MAP4K1: variants seen among roughly 807,000 people sequenced by gnomAD.
MAP4K1 encodes mitogen-activated protein kinase kinase kinase kinase 1.
Under a neutral mutation model 122.8 loss-of-function variants are expected in MAP4K1, and 35 were observed. The ratio of observed to expected loss-of-function variants is 0.29; its 90% CI spans 0.22 to 0.38. The LOEUF is 0.38. MAP4K1 is among the 10% of genes least tolerant of loss of function. The probability of loss-of-function intolerance (pLI) is 1.00; values close to 1 mark genes in which losing one functional copy is unlikely to be tolerated. For missense variants in MAP4K1, 791 were observed against 1,072.6 expected, an observed-to-expected ratio of 0.74 and a Z score of 3.67; for synonymous variants, 412 against 421.3, an observed-to-expected ratio of 0.98 and a Z score of 0.27.
chr19:38,603,663 T>C (rs1489420136), intron 19 of MAP4K1, among the ~76,000 whole-genome samples: 1 of 151,996 alleles, frequency 6.6e-6, no homozygotes, highest in African/African-American at 2.4e-5. Context: ...AGTGAGACCC[T>C]GCCTCTATAA....
chr19:38,590,437 A>AT (rs1168613832), intron 30 of MAP4K1, among the ~76,000 whole-genome samples: 96 of 120,146 alleles, frequency 8.0e-4, no homozygotes, highest in Non-Finnish European at 1.1e-3. Flanking sequence ...ATATATATAT[A>AT]ATCACGGGCG....
intron 19 of MAP4K1, 57 bp downstream of exon 19, chr19:38,605,351 CA>C: frequency 7.6e-7 from 1 of 1,321,634 alleles, no homozygotes; most frequent in Non-Finnish European, 1.1e-6. Flanking sequence ...CTCCCCACCC[CA>C]CCAGGCATCC....
chr19:38,596,616 C>T (rs1205423190), intron 25 of MAP4K1, 130 bp from the exon 26 acceptor site: 3 of 819,166 alleles, frequency 3.7e-6, no homozygotes, highest in Non-Finnish European at 5.5e-6. Flanking sequence ...CTAGAAATGT[C>T]AGGGGATAAG....
At chr19:38,588,007 A>G (rs1440394639) in intron 30 of MAP4K1, among the ~76,000 whole-genome samples, 190 bp from the exon 31 acceptor site, 1 of 152,218 alleles carries the variant, frequency 6.6e-6, no homozygotes, top group Non-Finnish European at 1.5e-5. Flanking sequence ...AGTGAATTAC[A>G]TGAGTGCAAA....
At chr19:38,590,417 A>G (rs1434999469) in intron 30 of MAP4K1, among the ~76,000 whole-genome samples, 2 of 98,596 alleles carry the variant, frequency 2.0e-5, no homozygotes, top group African/African-American at 3.7e-5. Context: ...ATATATATAT[A>G]TATATATATA....
intron 16 of MAP4K1, 128 bp downstream of exon 16, chr19:38,607,736 G>C: frequency 9.7e-7 from 1 of 1,035,400 alleles, no homozygotes; most frequent in Non-Finnish European, 1.4e-6. Flanking sequence ...TCAGGGCTCA[G>C]GGCTCGGGGC....
chr19:38,607,242 G>A (rs1975355164), intron 16 of MAP4K1, among the ~76,000 whole-genome samples: 1 of 151,916 alleles, frequency 6.6e-6, no homozygotes, highest in Non-Finnish European at 1.5e-5. Context: ...CTGACGCTGA[G>A]GGTCAAGTCA....
chr19:38,607,960 C>A (rs1429941847), intron 15 of MAP4K1, 30 bp downstream of exon 15: 1 of 1,611,770 alleles, frequency 6.2e-7, no homozygotes, highest in Middle Eastern at 1.7e-4. Context: ...ACATTCCAGC[C>A]CCCTCCCCAT....
intron 25 of MAP4K1, 111 bp downstream of exon 25, chr19:38,596,923 C>G: frequency 9.9e-7 from 1 of 1,006,014 alleles, no homozygotes; most frequent in Non-Finnish European, 1.5e-6. Context: ...GAGATTGGGG[C>G]GGGGCCTCGA....
At position 38,610,003 on chromosome 19, in the gene MAP4K1, C is replaced by G; in HGVS notation, c.833G>C (p.Gly278Ala). The G allele has an allele frequency of 1.2e-6, 2 of 1,614,036 alleles. No homozygotes were observed. Among genetic ancestry groups the G allele is most frequent in the Non-Finnish European group, 8.5e-7 (1 of 1,179,938 alleles). The change falls in exon 12 of 31, where the codon GGG (glycine) becomes GCG (alanine). Residue 278 changes from glycine to alanine, a missense_variant. Coordinates refer to ENST00000396857, the MANE Select transcript of MAP4K1 (RefSeq NM_001042600.3). ...ATCCAGGATCAGGCCTCGATTCAGC[C>G]CAGGCTGGGATACCAGTTGATGCTG... ...MLSHQLVSQPGLNRGLILDLL... is the reference protein window; with the variant it reads ...MLSHQLVSQPALNRGLILDLL...
rs773859090 is a variant in MAP4K1, at chr19:38,597,002, C to CA, written c.1941+31dup. 1.9e-6 allele frequency: 3 copies of CA among 1,603,614 alleles called. No individual in the cohort carries two copies. Among genetic ancestry groups the CA allele is most frequent in the Non-Finnish European group, 2.6e-6 (3 of 1,170,426 alleles). On this transcript the variant is annotated intron_variant, in intron 25 of 30. Coordinates refer to ENST00000396857, the MANE Select transcript of MAP4K1 (RefSeq NM_001042600.3). The surrounding 1 kb of genome is among the most constrained non-coding windows in gnomAD (Gnocchi z 4.6). ...TGCAAGGCCTTAGCCACCCACTCCT[C>CA]AGAGTTCCCAGCACCCTCCCAAGCC...
chr19:38,602,582 A>G (rs1365533320), intron 19 of MAP4K1, among the ~76,000 whole-genome samples: 1 of 149,250 alleles, frequency 6.7e-6, no homozygotes, highest in African/African-American at 2.5e-5. Context: ...ACATATATAT[A>G]CACATGTACA....
At chr19:38,602,559 CAT>C (rs201520679) in intron 19 of MAP4K1, among the ~76,000 whole-genome samples, 9,682 of 146,640 alleles carry the variant, frequency 0.066, 377 homozygotes, top group South Asian at 0.14. Context: ...TATATACACA[CAT>C]ATACATATAT....
In MAP4K1 at chr19:38,615,818, C is replaced by G. The variant is rs182025936; in HGVS notation, c.313+377G>C. On this transcript the variant is annotated intron_variant, in intron 4 of 30. Coordinates refer to ENST00000396857, the MANE Select transcript of MAP4K1 (RefSeq NM_001042600.3). Reference sequence around the variant, plus strand: ...GATTACAGGCGTCTGCCACCACGCCCGGCTAATTTTTTGTATTTTTAGTAG... The same window carrying G: ...GATTACAGGCGTCTGCCACCACGCCGGGCTAATTTTTTGTATTTTTAGTAG... Among the ~76,000 whole-genome samples, 559 of 151,944 alleles carry G rather than the reference C, an allele frequency of 3.7e-3. 3 individuals carry two copies. The highest frequency in any genetic ancestry group is 0.012 in the African/African-American group (513 of 41,472).
intron 16 of MAP4K1, among the ~76,000 whole-genome samples, 180 bp downstream of exon 16, chr19:38,607,682 CAG>C (rs1975369924): frequency 6.6e-6 from 1 of 151,134 alleles, no homozygotes; most frequent in African/African-American, 2.4e-5. Flanking sequence ...GGTTAGGGAA[CAG>C]GGCCTAGGTA....
rs1198232258 is a variant in MAP4K1, at chr19:38,597,171, G to A, written c.1838-34C>T. On this transcript the variant is annotated intron_variant, in intron 24 of 30. Coordinates refer to ENST00000396857, the MANE Select transcript of MAP4K1 (RefSeq NM_001042600.3). The surrounding 1 kb of genome is among the most constrained non-coding windows in gnomAD (Gnocchi z 4.6). ...TGGGCAAGGATGAGTCAAGATCAATGCCCTCTATCCTCCTCGCCACCCACA... is the reference window on the plus strand; with the variant it reads ...TGGGCAAGGATGAGTCAAGATCAATACCCTCTATCCTCCTCGCCACCCACA... The A allele has an allele frequency of 6.2e-7, 1 of 1,607,932 alleles. No individual in the cohort carries two copies. Among genetic ancestry groups the A allele is most frequent in the East Asian group, 2.2e-5 (1 of 44,860 alleles).
chr19:38,591,347 G>A (rs2080987), intron 30 of MAP4K1, among the ~76,000 whole-genome samples: 8,491 of 151,818 alleles, frequency 0.056, 469 homozygotes, highest in East Asian at 0.19. Flanking sequence ...TAACCACCAT[G>A]ATGAAAGCCC....
At chr19:38,600,799 ATTTTTTT>A (rs560496607) in intron 20 of MAP4K1, among the ~76,000 whole-genome samples, 6 of 90,970 alleles carry the variant, frequency 6.6e-5, no homozygotes, top group African/African-American at 1.7e-4. Flanking sequence ...CCCTCTACCC[ATTTTTTT>A]TTTTTTTTTT....
intron 30 of MAP4K1, among the ~76,000 whole-genome samples, chr19:38,588,311 T>C (rs1974590036): frequency 6.6e-6 from 1 of 152,112 alleles, no homozygotes; most frequent in Admixed American, 6.6e-5. Flanking sequence ...GGATTTAAAG[T>C]GACCCTTCTG....
Sources: gnomAD v4.1 joint callset for allele counts (sites outside exome capture counted in the v4.1 genomes callset) on GRCh38, gnomAD v4.1.1 for gene constraint, Gnocchi (gnomAD v3.1) non-coding constraint, MANE v1.5 for transcripts, NCBI Gene and HGNC (gene_info 2026-07-23, HGNC 2026-07-21) for gene names.